KIAA1549L: variants seen among roughly 807,000 people sequenced by gnomAD.
KIAA1549L encodes KIAA1549 like, also known as UPF0606 protein KIAA1549L.
A neutral mutation model predicts 160.7 loss-of-function variants in KIAA1549L; 88 were observed. That is an observed-to-expected ratio of 0.55 (90% confidence interval 0.46 to 0.65). The LOEUF is 0.65. KIAA1549L is among the 30% of genes least tolerant of loss of function. KIAA1549L has a pLI of 0.00. For missense variants in KIAA1549L, 2,258 were observed against 2,437.5 expected (o/e 0.93, Z 1.55); for synonymous variants, 950 against 976.7 (o/e 0.97, Z 0.51).
chr11:33,560,510 C>T (rs887358539), intron 7 of KIAA1549L, among the ~76,000 whole-genome samples: 6 of 152,220 alleles, frequency 3.9e-5, no homozygotes, highest in African/African-American at 1.4e-4. Context: ...TGTGACTTCA[C>T]TTGCTGAGGT....
intron 1 of KIAA1549L, among the ~76,000 whole-genome samples, chr11:33,472,649 G>A (rs1288675644): frequency 1.3e-5 from 2 of 152,150 alleles, no homozygotes; most frequent in African/African-American, 4.8e-5. Flanking sequence ...GAACAGAGAA[G>A]GATCTCAGAC....
chr11:33,667,943 C>G lies in KIAA1549L; in HGVS notation c.6230C>G (p.Pro2077Arg). Residue 2077 changes from proline (P) to arginine (R), a missense_variant, in exon 21 of 21, where the codon CCT (proline) becomes CGT (arginine). Transcript: ENST00000658780. The part of the protein sequence containing the change: ...RYPQSSPSRL[P>R]RQYSQPANLH... Reference sequence around the variant, plus strand: ...CCCCAGAGCTCTCCCTCCAGGCTTCCTCGTCAGTACAGCCAGCCAGCCAAC... The same window carrying G: ...CCCCAGAGCTCTCCCTCCAGGCTTCGTCGTCAGTACAGCCAGCCAGCCAAC... 6.2e-7 allele frequency: 1 copy of G among 1,613,898 alleles called. No homozygotes were observed. Among genetic ancestry groups the G allele is most frequent in the Non-Finnish European group, 8.5e-7 (1 of 1,179,872 alleles).
chr11:33,544,375 C>A, intron 2 of KIAA1549L, 39 bp downstream of exon 2: 1 of 1,598,404 alleles, frequency 6.3e-7, no homozygotes, highest in East Asian at 2.2e-5. Flanking sequence ...TCCCGGTACC[C>A]CCAAAACAGG....
intron 1 of KIAA1549L, among the ~76,000 whole-genome samples, chr11:33,424,038 A>AG (rs1851070533): frequency 6.6e-6 from 1 of 151,996 alleles, no homozygotes; most frequent in Non-Finnish European, 1.5e-5. Flanking sequence ...TGGAAAAAAA[A>AG]AAAAGAATTG....
chr11:33,607,054 G>A (rs1850525971), intron 14 of KIAA1549L, among the ~76,000 whole-genome samples: 1 of 152,068 alleles, frequency 6.6e-6, no homozygotes, highest in African/African-American at 2.4e-5. Context: ...AAGCCCAGAA[G>A]GAACTGTTAA....
chr11:33,551,661 A>AT (rs1854467853), intron 5 of KIAA1549L, among the ~76,000 whole-genome samples: 1 of 152,010 alleles, frequency 6.6e-6, no homozygotes, highest in African/African-American at 2.4e-5. Context: ...CTTCGAATAT[A>AT]TTTTTTTCAA....
At chr11:33,638,013 C>G (rs1851480891) in intron 16 of KIAA1549L, among the ~76,000 whole-genome samples, 1 of 152,202 alleles carries the variant, frequency 6.6e-6, no homozygotes, top group South Asian at 2.1e-4. Flanking sequence ...CTCTTCTCCT[C>G]CTTCAGGTCT....
At chr11:33,561,909 C>A (rs945684314) in intron 8 of KIAA1549L, among the ~76,000 whole-genome samples, 174 bp downstream of exon 8, 1 of 152,194 alleles carries the variant, frequency 6.6e-6, no homozygotes, top group Non-Finnish European at 1.5e-5. Context: ...TGAGAAAAGA[C>A]ATCACACTGA....
chr11:33,538,774 A>G (rs143628795), intron 1 of KIAA1549L, among the ~76,000 whole-genome samples: 22 of 152,162 alleles, frequency 1.4e-4, no homozygotes, highest in South Asian at 4.1e-4. Context: ...TTACATGTAG[A>G]TATTATTTTC....
intron 1 of KIAA1549L, among the ~76,000 whole-genome samples, chr11:33,410,132 T>G (rs932161971): frequency 6.6e-6 from 1 of 152,132 alleles, no homozygotes; most frequent in Non-Finnish European, 1.5e-5. Flanking sequence ...ACCAAACCCT[T>G]CAATTTTTGG....
intron 8 of KIAA1549L, among the ~76,000 whole-genome samples, chr11:33,565,719 TC>T (rs1855026221): frequency 6.6e-6 from 1 of 151,362 alleles, no homozygotes; most frequent in African/African-American, 2.4e-5. Flanking sequence ...TTTTTTTTTT[TC>T]AAAAAAATTT....
intron 17 of KIAA1549L, among the ~76,000 whole-genome samples, chr11:33,649,343 G>A (rs4755799): frequency 0.35 from 35,967 of 101,988 alleles, 7,387 homozygotes; most frequent in African/African-American, 0.64. Flanking sequence ...CTCTACGGGG[G>A]AAAAAAAAAA....
chr11:33,400,325 T>C (rs554961964), intron 1 of KIAA1549L, among the ~76,000 whole-genome samples: 2 of 152,294 alleles, frequency 1.3e-5, no homozygotes, highest in East Asian at 1.9e-4. Context: ...AGCTTAAGTA[T>C]CCAGGCACAA....
chr11:33,614,550 A>C (rs1564924656), intron 15 of KIAA1549L, among the ~76,000 whole-genome samples: 681 of 10,330 alleles, frequency 0.066, 134 homozygotes, highest in African/African-American at 0.14. Context: ...ATATATATAT[A>C]TATATATATA....
chr11:33,404,414 C>T (rs912332647), intron 1 of KIAA1549L, among the ~76,000 whole-genome samples: 4 of 152,046 alleles, frequency 2.6e-5, no homozygotes, highest in Admixed American at 6.6e-5. Flanking sequence ...ATCCCAGCCA[C>T]GTGGGAGACT....
At chr11:33,619,611 CAG>C (rs1011524891) in intron 16 of KIAA1549L, among the ~76,000 whole-genome samples, 2 of 152,150 alleles carry the variant, frequency 1.3e-5, no homozygotes, top group African/African-American at 4.8e-5. Context: ...CAATTAAAAA[CAG>C]AGATATTCTA....
intron 6 of KIAA1549L, 134 bp downstream of exon 6, chr11:33,552,375 G>A: frequency 2.1e-6 from 2 of 961,944 alleles, no homozygotes; most frequent in Non-Finnish European, 3.1e-6. Context: ...CATTGGTGAG[G>A]ATGTCTGGGG....
rs928205440 is a variant in KIAA1549L, at chr11:33,672,025, G to A, written c.*3871G>A. Reference sequence around the variant, plus strand: ...GTGTTCCAGGCAAGGAGTTTTGCAAGGACTAGAAACCCTTTCACACTTGAA... The same window carrying A: ...GTGTTCCAGGCAAGGAGTTTTGCAAAGACTAGAAACCCTTTCACACTTGAA... On this transcript the variant is annotated 3_prime_UTR_variant, in exon 21 of 21. Coordinates refer to ENST00000658780, the MANE Select transcript of KIAA1549L (RefSeq NM_012194.3). 1 of 152,196 alleles carries A rather than the reference G, an allele frequency of 6.6e-6. No individual in the cohort carries two copies. Among genetic ancestry groups the A allele is most frequent in the African/African-American group, 2.4e-5 (1 of 41,446 alleles). The allele number at this position is 152,196 out of a possible 1,614,324, so 9.4% of individuals were successfully genotyped here.
chr11:33,669,243 A>G lies in KIAA1549L; in HGVS notation c.*1089A>G, dbSNP rs569083997. The G allele has an allele frequency of 1.3e-5, 2 of 152,356 alleles. No individual in the cohort carries two copies. The highest frequency in any genetic ancestry group is 4.1e-4 in the South Asian group (2 of 4,832). 9.4% of individuals were successfully genotyped at this position (152,356 alleles called of 1,614,324 possible). A position where few individuals can be genotyped will look rare whatever the true frequency, so the allele number is the denominator to read the frequency against. Reference sequence around the variant, plus strand: ...ATGTAAATAACCTTTTAAAAAGCGTATGGAGTTAGCCAGTTCCCCCTAGTT... The same window carrying G: ...ATGTAAATAACCTTTTAAAAAGCGTGTGGAGTTAGCCAGTTCCCCCTAGTT... On this transcript the variant is annotated 3_prime_UTR_variant, in exon 21 of 21. Coordinates refer to ENST00000658780, the MANE Select transcript of KIAA1549L (RefSeq NM_012194.3).
Sources: allele counts gnomAD v4.1 joint callset (sites outside exome capture counted in the v4.1 genomes callset), GRCh38; gene constraint gnomAD v4.1.1; transcripts MANE v1.5; gene names NCBI Gene and HGNC (gene_info 2026-07-23, HGNC 2026-07-21).